PHACTR4: variants seen among roughly 807,000 people sequenced by gnomAD.
The protein encoded by PHACTR4 is protein phosphatase 1, regulatory subunit 124.
PHACTR4 carries 51 observed loss-of-function variants against 72.7 expected under a neutral mutation model. The observed-to-expected ratio is 0.70, with a 90% CI of 0.56 to 0.89. The LOEUF (loss-of-function observed/expected upper bound fraction) is 0.89. Ranked by LOEUF, PHACTR4 falls within the 40% of genes least tolerant of loss-of-function variation. The probability of loss-of-function intolerance (pLI) is 0.00; values close to 1 mark genes in which losing one functional copy is unlikely to be tolerated. For synonymous variants in PHACTR4, 255 were observed against 302.5 expected, an observed-to-expected ratio of 0.84 and a Z score of 1.63; for missense variants, 731 against 861.8, an observed-to-expected ratio of 0.85 and a Z score of 1.90.
intron 2 of PHACTR4, among the ~76,000 whole-genome samples, chr1:28,418,060 T>C (rs35288626): frequency 0.39 from 58,627 of 151,688 alleles, 13,006 homozygotes; most frequent in African/African-American, 0.6. Flanking sequence ...ATTGCTTGAG[T>C]CCAGGAGGTC....
chr1:28,446,321 G>C (rs577688268), intron 2 of PHACTR4, among the ~76,000 whole-genome samples: 51 of 152,260 alleles, frequency 3.3e-4, no homozygotes, highest in Non-Finnish European at 5.9e-4. Context: ...CATTAATAAG[G>C]TTTGGATCTA....
intron 2 of PHACTR4, among the ~76,000 whole-genome samples, chr1:28,435,125 A>C (rs775716366): frequency 6.6e-6 from 1 of 152,054 alleles, no homozygotes; most frequent in Non-Finnish European, 1.5e-5. Flanking sequence ...GCTTCTTCCA[A>C]CTTGCTCCCT....
chr1:28,496,511 G>T (rs1338837927), intron 13 of PHACTR4, 23 bp from the exon 14 acceptor site: 1 of 1,612,916 alleles, frequency 6.2e-7, no homozygotes, highest in Non-Finnish European at 8.5e-7. Flanking sequence ...GTGGTAACTT[G>T]TCTCTTTTTT....
At chr1:28,479,766 G>A (rs908859334) in intron 8 of PHACTR4, among the ~76,000 whole-genome samples, 5 of 147,014 alleles carry the variant, frequency 3.4e-5, no homozygotes, top group East Asian at 2.1e-4. Context: ...GGTGACCCAC[G>A]CCTATAATCT....
At chr1:28,407,882 G>C (rs796074623) in intron 2 of PHACTR4, among the ~76,000 whole-genome samples, 5 of 152,340 alleles carry the variant, frequency 3.3e-5, no homozygotes, top group African/African-American at 9.6e-5. Flanking sequence ...ACTTTGGGAA[G>C]CTGAGGCAGG....
intron 2 of PHACTR4, among the ~76,000 whole-genome samples, chr1:28,432,581 G>A (rs1656348081): frequency 6.6e-6 from 1 of 151,642 alleles, no homozygotes; most frequent in African/African-American, 2.4e-5. Flanking sequence ...GAGTTCCAGT[G>A]AGCTATGATC....
intron 2 of PHACTR4, chr1:28,453,663 A>C (rs1315535963): frequency 5.0e-5 from 65 of 1,292,616 alleles, no homozygotes; most frequent in Non-Finnish European, 6.1e-5. Flanking sequence ...TCCAAAAATC[A>C]GATTGAAAGA....
At chr1:28,491,505 G>A in intron 11 of PHACTR4, 145 bp from the exon 12 acceptor site, 1 of 1,064,444 alleles carries the variant, frequency 9.4e-7, no homozygotes, top group Non-Finnish European at 1.4e-6. Flanking sequence ...TAATCACTGG[G>A]GGTGGGACCT....
intron 1 of PHACTR4, among the ~76,000 whole-genome samples, chr1:28,403,192 G>A (rs1045608845): frequency 7.9e-5 from 12 of 152,198 alleles, no homozygotes; most frequent in East Asian, 1.9e-4. Context: ...ATCAACACCC[G>A]TAGAAGGGAG....
At chr1:28,439,622 A>G (rs1656856897) in intron 2 of PHACTR4, among the ~76,000 whole-genome samples, 1 of 152,228 alleles carries the variant, frequency 6.6e-6, no homozygotes, top group African/African-American at 2.4e-5. Flanking sequence ...TCATAAATAG[A>G]AAAAGGTATA....
At chr1:28,413,394 C>T (rs1297149308) in intron 2 of PHACTR4, among the ~76,000 whole-genome samples, 1 of 152,114 alleles carries the variant, frequency 6.6e-6, no homozygotes, top group African/African-American at 2.4e-5. Context: ...AACTGTCATC[C>T]TGGGTTATCC....
At chr1:28,478,055 C>T (rs1470020725) in intron 8 of PHACTR4, among the ~76,000 whole-genome samples, 2 of 152,150 alleles carry the variant, frequency 1.3e-5, no homozygotes, top group Admixed American at 1.3e-4. Context: ...CCCCCATCCC[C>T]TCTACCCTTC....
chr1:28,426,308 G>A (rs971847911), intron 2 of PHACTR4, among the ~76,000 whole-genome samples: 2 of 152,020 alleles, frequency 1.3e-5, no homozygotes, highest in Non-Finnish European at 2.9e-5. Flanking sequence ...TTTCTTCAGC[G>A]CATACTACCA....
At chr1:28,438,299 C>A in intron 2 of PHACTR4, 1 of 1,551,714 alleles carries the variant, frequency 6.4e-7, no homozygotes, top group Non-Finnish European at 8.7e-7. Flanking sequence ...CCGCATGTCC[C>A]CTCTTTATGT....
intron 9 of PHACTR4, among the ~76,000 whole-genome samples, chr1:28,487,046 A>G (rs1046535832): frequency 6.6e-6 from 1 of 150,494 alleles, no homozygotes; most frequent in East Asian, 1.9e-4. Context: ...AAATAAATAC[A>G]TACATACATA....
At chr1:28,488,120 G>T (rs945691230) in intron 9 of PHACTR4, among the ~76,000 whole-genome samples, 2 of 152,054 alleles carry the variant, frequency 1.3e-5, no homozygotes, top group African/African-American at 4.8e-5. Flanking sequence ...AGAAGACTGA[G>T]ATTTAAATCA....
At chr1:28,494,216 A>G (rs1426132850) in intron 13 of PHACTR4, 4 of 151,532 alleles carry the variant, frequency 2.6e-5, no homozygotes, top group South Asian at 4.2e-4. Flanking sequence ...AAAAAAATCT[A>G]TTTTTTGATT....
intron 2 of PHACTR4, among the ~76,000 whole-genome samples, chr1:28,430,231 A>G (rs1656158972): frequency 6.6e-6 from 1 of 152,020 alleles, no homozygotes; most frequent in Non-Finnish European, 1.5e-5. Context: ...TCACCATGTT[A>G]GCCAGGATGG....
intron 2 of PHACTR4, among the ~76,000 whole-genome samples, chr1:28,435,097 A>T (rs1342958818): frequency 6.6e-6 from 1 of 152,136 alleles, no homozygotes; most frequent in Non-Finnish European, 1.5e-5. Context: ...GGTTGTGTTC[A>T]GACTTTCTCT....
Sources: allele counts gnomAD v4.1 joint callset (sites outside exome capture counted in the v4.1 genomes callset), GRCh38; gene constraint gnomAD v4.1.1; transcripts MANE v1.5; gene names NCBI Gene and HGNC (gene_info 2026-07-23, HGNC 2026-07-21).